REG1A: variants seen among roughly 807,000 people sequenced by gnomAD.
REG1A encodes the protein regenerating family member 1 alpha, also known as lithostathine-1-alpha.
A neutral mutation model predicts 20.7 loss-of-function variants in REG1A; 20 were observed. The observed-to-expected ratio is 0.97, with a 90% CI of 0.68 to 1.41. The LOEUF (loss-of-function observed/expected upper bound fraction) is 1.41. REG1A is among the 40% of genes most tolerant of loss of function. The pLI is 0.00. For missense variants in REG1A, 193 were observed against 201.8 expected (o/e 0.96, Z 0.26); for synonymous variants, 90 against 71.6 (o/e 1.26, Z -1.30).
chr2:79,121,407 G>C (rs1051262523), intron 2 of REG1A, among the ~76,000 whole-genome samples, 155 bp from the exon 3 acceptor site: 1 of 152,146 alleles, frequency 6.6e-6, no homozygotes, highest in South Asian at 2.1e-4. Flanking sequence ...AGAAACCAAA[G>C]ACAGAAGATG....
chr2:79,120,557 G>A (rs758270550), intron 1 of REG1A, 43 bp downstream of exon 1: 9 of 299,464 alleles, frequency 3.0e-5, no homozygotes, highest in Non-Finnish European at 5.5e-5. Flanking sequence ...AACATGCACT[G>A]TAGATCTAAA....
At chr2:79,122,802 G>T in intron 4 of REG1A, 39 bp from the exon 5 acceptor site, 4 of 1,417,590 alleles carry the variant, frequency 2.8e-6, no homozygotes, top group Admixed American at 3.4e-5. Context: ...ATGTATTTTT[G>T]AGTGACCACT....
In REG1A at chr2:79,120,943, C is replaced by A. The variant is rs1170292911; in HGVS notation, c.64+18C>A. ...GAGCCAAGGTAAGATCTCTTTTCCACCAACCAACTCTTTCTAGCCCTGAAG... is the reference window on the plus strand; with the variant it reads ...GAGCCAAGGTAAGATCTCTTTTCCAACAACCAACTCTTTCTAGCCCTGAAG... On this transcript the variant is annotated intron_variant, in intron 2 of 5. Coordinates refer to ENST00000233735, the MANE Select transcript of REG1A (RefSeq NM_002909.5). 2.5e-6 allele frequency: 4 copies of A among 1,607,360 alleles called. No homozygotes were observed. The highest frequency in any genetic ancestry group is 3.4e-6 in the Non-Finnish European group (4 of 1,174,974).
chr2:79,121,022 G>T, intron 2 of REG1A, 97 bp downstream of exon 2: 1 of 911,664 alleles, frequency 1.1e-6, no homozygotes, highest in Non-Finnish European at 1.7e-6. Context: ...AAAAAAAGCA[G>T]AGTCACTGTT....
intron 3 of REG1A, 43 bp from the exon 4 acceptor site, chr2:79,121,945 C>T: frequency 6.2e-7 from 1 of 1,608,044 alleles, no homozygotes; most frequent in Non-Finnish European, 8.5e-7. Flanking sequence ...ATATCCGTCA[C>T]AACTTCCTCC....
intron 2 of REG1A, among the ~76,000 whole-genome samples, chr2:79,121,295 G>T (rs990769404): frequency 6.6e-6 from 1 of 152,182 alleles, no homozygotes; most frequent in East Asian, 1.9e-4. Flanking sequence ...AAAGTAGAAG[G>T]CTGAGTCCTT....
At position 79,121,614 on chromosome 2, in the gene REG1A, C is replaced by T; in HGVS notation, c.117C>T (p.Gly39=). The T allele has an allele frequency of 6.2e-7, 1 of 1,614,106 alleles. No individual in the cohort carries two copies. Among genetic ancestry groups the T allele is most frequent in the Non-Finnish European group, 8.5e-7 (1 of 1,180,018 alleles). Residue 39 remains glycine (G), a synonymous_variant, in exon 3 of 6, where the codon GGC becomes GGT. Transcript: ENST00000233735. ...LPQARISCPE[G]TNAYRSYCYY... ...AGGCCCGGATCAGCTGCCCAGAAGG[C>T]ACCAATGCCTATCGCTCCTACTGCT...
At chr2:79,122,713 G>T in intron 4 of REG1A, 128 bp from the exon 5 acceptor site, 6 of 706,162 alleles carry the variant, frequency 8.5e-6, no homozygotes, top group Non-Finnish European at 1.5e-5. Context: ...GCAAAGGAAA[G>T]GAAACAATAT....
At chr2:79,123,124 G>T (rs943396012) in intron 5 of REG1A, 24 bp from the exon 6 acceptor site, 2 of 1,593,874 alleles carry the variant, frequency 1.3e-6, no homozygotes, top group Non-Finnish European at 1.7e-6. Context: ...TCTCCCAGTT[G>T]TAACTCTTCT....
chr2:79,120,716 A>T (rs1306841349), intron 1 of REG1A, 100 bp from the exon 2 acceptor site: 1 of 505,524 alleles, frequency 2.0e-6, no homozygotes, highest in Non-Finnish European at 3.5e-6. Context: ...GTCTCAGAGG[A>T]CCTTCCTGGT....
chr2:79,120,659 A>T (rs1672869556), intron 1 of REG1A, 145 bp downstream of exon 1: 1 of 419,426 alleles, frequency 2.4e-6, no homozygotes, highest in African/African-American at 2.0e-5. Context: ...TCAGTTACTG[A>T]GTCTGTATAA....
Position 79,121,702 on chromosome 2 carries a change from G to A in REG1A, c.183+22G>A, listed in dbSNP as rs762673428. 1.2e-5 allele frequency: 20 copies of A among 1,606,116 alleles called. 1 individual carries two copies. Among genetic ancestry groups the A allele is most frequent in the Non-Finnish European group, 1.7e-5 (20 of 1,172,882 alleles). On this transcript the variant is annotated intron_variant, in intron 3 of 5. Coordinates refer to ENST00000233735, the MANE Select transcript of REG1A (RefSeq NM_002909.5). ...AGATGTGAGTGAGGAGAGCAGTGTG[G>A]GAAGGGAGACTCATGAAGGGAGGGG...
At chr2:79,121,354 T>C (rs1672883390) in intron 2 of REG1A, among the ~76,000 whole-genome samples, 1 of 152,184 alleles carries the variant, frequency 6.6e-6, no homozygotes, top group Admixed American at 6.5e-5. Flanking sequence ...ACTGGAGACT[T>C]GTTTCTTTGG....
chr2:79,122,718 C>T (rs1042607489), intron 4 of REG1A, 123 bp from the exon 5 acceptor site: 1 of 717,172 alleles, frequency 1.4e-6, no homozygotes, highest in South Asian at 1.7e-5. Context: ...GGAAAGGAAA[C>T]AATATTTAGC....
chr2:79,123,365 C>G lies in REG1A; in HGVS notation c.*150C>G. On this transcript the variant is annotated 3_prime_UTR_variant, in exon 6 of 6. Transcript: ENST00000233735. ...TAATCTTCAATAGTTTTACCTACCCCAGTCTTTGGAACCCTAAATAATAAA... is the reference window on the plus strand; with the variant it reads ...TAATCTTCAATAGTTTTACCTACCCGAGTCTTTGGAACCCTAAATAATAAA... The G allele has an allele frequency of 1.8e-6, 1 of 560,682 alleles. No individual in the cohort carries two copies. The highest frequency in any genetic ancestry group is 3.2e-6 in the Non-Finnish European group (1 of 311,224). 34.7% of individuals were successfully genotyped at this position (560,682 alleles called of 1,614,324 possible).
rs2104065475 is a variant in REG1A at position 79,122,813 on chromosome 2, G to T, written c.322-28G>T. On this transcript the variant is annotated intron_variant, in intron 4 of 5. Coordinates refer to ENST00000233735, the MANE Select transcript of REG1A (RefSeq NM_002909.5). ...TTCCATGTATTTTTGAGTGACCACTGCCTCTGTTCTGGCCCTTCCCCATCT... is the reference window on the plus strand; with the variant it reads ...TTCCATGTATTTTTGAGTGACCACTTCCTCTGTTCTGGCCCTTCCCCATCT... The T allele has an allele frequency of 3.9e-6, 6 of 1,524,534 alleles. No homozygotes were observed. In the East Asian group the frequency reaches 1.4e-4, roughly 34 times the overall value. 94.4% of individuals were successfully genotyped at this position (1,524,534 alleles called of 1,614,324 possible).
At position 79,122,234 on chromosome 2, in the gene REG1A, C is replaced by T. The variant is rs543599711; in HGVS notation, c.321+109C>T. On this transcript the variant is annotated intron_variant, in intron 4 of 5. Coordinates refer to ENST00000233735, the MANE Select transcript of REG1A (RefSeq NM_002909.5). ...CTTTTATCGCTTTCCAGAAATCAGGCTGTTTACAGATCCTCTAATGTCCTG... is the reference window on the plus strand; with the variant it reads ...CTTTTATCGCTTTCCAGAAATCAGGTTGTTTACAGATCCTCTAATGTCCTG... 26 of 1,225,962 alleles carry T rather than the reference C, an allele frequency of 2.1e-5. No homozygotes were observed. The Admixed American group carries it at 2.3e-4, about 11-fold the overall frequency. 75.9% of individuals were successfully genotyped at this position (1,225,962 alleles called of 1,614,324 possible).
At position 79,121,633 on chromosome 2, in the gene REG1A, T is replaced by C; in HGVS notation, c.136T>C (p.Tyr46His). 1 of 1,614,098 alleles carries C rather than the reference T, an allele frequency of 6.2e-7. No individual in the cohort carries two copies. Among genetic ancestry groups the C allele is most frequent in the East Asian group, 2.2e-5 (1 of 44,854 alleles). The change falls in exon 3 of 6, where the codon TAC (tyrosine) becomes CAC (histidine). Residue 46 changes from tyrosine (Y) to histidine (H), a missense_variant. Transcript: ENST00000233735. Reference sequence around the variant, plus strand: ...AGAAGGCACCAATGCCTATCGCTCCTACTGCTACTACTTTAATGAAGACCG... The same window carrying C: ...AGAAGGCACCAATGCCTATCGCTCCCACTGCTACTACTTTAATGAAGACCG... ...CPEGTNAYRSYCYYFNEDRET... is the reference protein window; with the variant it reads ...CPEGTNAYRSHCYYFNEDRET...
intron 2 of REG1A, among the ~76,000 whole-genome samples, 184 bp from the exon 3 acceptor site, chr2:79,121,377 GT>G (rs920914941): frequency 5.9e-5 from 9 of 152,068 alleles, no homozygotes; most frequent in Middle Eastern, 3.4e-3. Context: ...TATTCATTCT[GT>G]TTTTTTTCCC....
Sources: allele counts gnomAD v4.1 joint callset (sites outside exome capture counted in the v4.1 genomes callset), GRCh38; gene constraint gnomAD v4.1.1; transcripts MANE v1.5; gene names NCBI Gene and HGNC (gene_info 2026-07-23, HGNC 2026-07-21).